TCEA1: variants seen among roughly 807,000 people sequenced by gnomAD.
TCEA1 encodes the protein transcription elongation factor A protein 1.
In TCEA1, 21 loss-of-function variants were observed where a neutral mutation model predicts 43.8. The ratio of observed to expected loss-of-function variants is 0.48; its 90% CI spans 0.34 to 0.69. TCEA1 has a LOEUF of 0.69. TCEA1 is among the 30% of genes least tolerant of loss of function. The probability of loss-of-function intolerance (pLI) is 0.01; values close to 1 mark genes in which losing one functional copy is unlikely to be tolerated. For synonymous variants in TCEA1, 104 were observed against 117.5 expected, an observed-to-expected ratio of 0.88 and a Z score of 0.75; for missense variants, 250 against 365.1, an observed-to-expected ratio of 0.68 and a Z score of 2.57.
intron 1 of TCEA1, among the ~76,000 whole-genome samples, chr8:54,019,450 G>C (rs918607536): frequency 6.6e-6 from 1 of 151,668 alleles, no homozygotes; most frequent in African/African-American, 2.4e-5. Flanking sequence ...CACACCTGTA[G>C]TCCCAGCTTC....
intron 8 of TCEA1, among the ~76,000 whole-genome samples, chr8:53,977,457 C>T (rs1029483847): frequency 3.3e-5 from 5 of 152,312 alleles, no homozygotes; most frequent in South Asian, 4.1e-4. Flanking sequence ...GAATTTCCTA[C>T]TCATAAACTT....
chr8:54,002,062 G>A (rs779101043), intron 2 of TCEA1, among the ~76,000 whole-genome samples: 8 of 151,732 alleles, frequency 5.3e-5, no homozygotes, highest in African/African-American at 1.2e-4. Context: ...CCAGCTACTC[G>A]GGAGGCTGAG....
chr8:54,019,921 C>A (rs1158076159), intron 1 of TCEA1, among the ~76,000 whole-genome samples: 1 of 152,118 alleles, frequency 6.6e-6, no homozygotes, highest in Non-Finnish European at 1.5e-5. Context: ...TTTTGAACTA[C>A]CTGAAAACTT....
intron 1 of TCEA1, 97 bp downstream of exon 1, chr8:54,021,966 G>T: frequency 8.1e-7 from 1 of 1,227,188 alleles, no homozygotes; most frequent in Non-Finnish European, 1.1e-6. Flanking sequence ...ACGGGAGGCT[G>T]CAGGGGGAGG....
chr8:54,006,749 C>A (rs757156469), intron 2 of TCEA1, among the ~76,000 whole-genome samples: 5 of 152,176 alleles, frequency 3.3e-5, no homozygotes, highest in Admixed American at 6.5e-5. Context: ...AGTTGCTGAT[C>A]ATTAGACAGA....
intron 2 of TCEA1, among the ~76,000 whole-genome samples, chr8:54,007,855 C>T (rs1752045712): frequency 6.6e-6 from 1 of 152,086 alleles, no homozygotes; most frequent in Non-Finnish European, 1.5e-5. Context: ...CTTTTTAACA[C>T]TTTGACTTTT....
chr8:54,016,595 T>C (rs1227080323), intron 1 of TCEA1, among the ~76,000 whole-genome samples: 1 of 152,156 alleles, frequency 6.6e-6, no homozygotes, highest in Non-Finnish European at 1.5e-5. Context: ...TCCCAGCACT[T>C]TGGGAGGCTG....
At chr8:53,996,994 G>A (rs1224591471) in intron 3 of TCEA1, among the ~76,000 whole-genome samples, 3 of 148,038 alleles carry the variant, frequency 2.0e-5, no homozygotes, top group African/African-American at 7.6e-5. Flanking sequence ...CCGCCTCCCG[G>A]GTTCACGCCA....
At chr8:54,007,048 G>A (rs1338161906) in intron 2 of TCEA1, among the ~76,000 whole-genome samples, 1 of 151,998 alleles carries the variant, frequency 6.6e-6, no homozygotes, top group Non-Finnish European at 1.5e-5. Context: ...TCACCATGTT[G>A]GCCAGTTGGT....
chr8:54,008,172 CAA>C (rs777634895), intron 2 of TCEA1, among the ~76,000 whole-genome samples: 66 of 42,350 alleles, frequency 1.6e-3, no homozygotes, highest in South Asian at 4.6e-3. Context: ...AACTGTGTCT[CAA>C]AAAAAAAAAA....
chr8:54,003,897 G>A (rs1411593997), intron 2 of TCEA1, among the ~76,000 whole-genome samples: 7 of 149,682 alleles, frequency 4.7e-5, no homozygotes, highest in East Asian at 2.0e-4. Context: ...TCTGATAAGC[G>A]ACTTGTATTT....
At chr8:53,981,210 G>A (rs1340455912) in intron 7 of TCEA1, among the ~76,000 whole-genome samples, 6 of 152,170 alleles carry the variant, frequency 3.9e-5, no homozygotes, top group South Asian at 4.1e-4. Context: ...GAGAAGCTAC[G>A]GCAAGTTATC....
rs758285467 is a variant in TCEA1, at chr8:54,022,398, A to G, written c.-273T>C. On this transcript the variant is annotated 5_prime_UTR_variant, in exon 1 of 10. An upstream start codon of the reference 5' UTR is lost. Transcript: ENST00000521604. ...CAGATCGCTGGTGAGGGGCGAGCCC[A>G]TGTTCCCGCCAGGCGGGCGTCGGGC... 20 of 499,898 alleles carry G rather than the reference A, an allele frequency of 4.0e-5. No homozygotes were observed. Among genetic ancestry groups the G allele is most frequent in the Non-Finnish European group, 6.0e-5 (17 of 283,332 alleles). 31.0% of individuals were successfully genotyped at this position (499,898 alleles called of 1,614,324 possible).
intron 2 of TCEA1, among the ~76,000 whole-genome samples, chr8:54,003,928 A>T (rs1354362554): frequency 6.6e-6 from 1 of 152,074 alleles, no homozygotes; most frequent in Non-Finnish European, 1.5e-5. Context: ...AAGAACTATT[A>T]CAACTCGATT....
Position 53,984,360 on chromosome 8 carries a change from C to T in TCEA1, c.678+3G>A. The T allele has an allele frequency of 6.3e-7, 1 of 1,596,010 alleles. No homozygotes were observed. Among genetic ancestry groups the T allele is most frequent in the Non-Finnish European group, 8.5e-7 (1 of 1,173,210 alleles). ...TAGAAACCTCAGATTCACACATACT[C>T]ACCTCTGCTGTCATTCTAGCAAATA... On this transcript the variant is annotated splice_donor_region_variant and intron_variant, in intron 7 of 9. Coordinates refer to ENST00000521604, the MANE Select transcript of TCEA1 (RefSeq NM_006756.4).
chr8:53,992,139 T>C (rs1803903116), intron 4 of TCEA1, among the ~76,000 whole-genome samples: 1 of 149,780 alleles, frequency 6.7e-6, no homozygotes. Flanking sequence ...TGGTGAAACC[T>C]CGTCTCTATT....
rs1804840402 is a variant in TCEA1 at position 54,016,734 on chromosome 8, G to A, written c.63+5329C>T. On this transcript the variant is annotated intron_variant, in intron 1 of 9. Transcript: ENST00000521604. ...TCACGCGTGGAAATCCCAGCACTTTGGGAGGCCAAGACAGGCGGATTATGA... is the reference window on the plus strand; with the variant it reads ...TCACGCGTGGAAATCCCAGCACTTTAGGAGGCCAAGACAGGCGGATTATGA... 2.0e-5 allele frequency among the ~76,000 whole-genome samples: 3 copies of A among 152,174 alleles called. No homozygotes were observed. In the South Asian group the frequency reaches 6.2e-4, roughly 32 times the overall value.
intron 8 of TCEA1, among the ~76,000 whole-genome samples, chr8:53,976,541 A>C (rs564492764): frequency 6.6e-6 from 1 of 152,340 alleles, no homozygotes; most frequent in South Asian, 2.1e-4. Flanking sequence ...TGTGATTCTA[A>C]GAAAATCATA....
intron 3 of TCEA1, 45 bp from the exon 4 acceptor site, chr8:53,993,800 T>A (rs2129306188): frequency 1.3e-6 from 2 of 1,487,676 alleles, no homozygotes; most frequent in East Asian, 4.5e-5. Flanking sequence ...TTGTAAAAAC[T>A]AAAAACTAAA....
Sources: gnomAD v4.1 joint callset for allele counts (sites outside exome capture counted in the v4.1 genomes callset) on GRCh38, gnomAD v4.1.1 for gene constraint, MANE v1.5 for transcripts, NCBI Gene and HGNC (gene_info 2026-07-23, HGNC 2026-07-21) for gene names.